Variants in GPC5 observed in about 807,000 individuals in gnomAD.
The protein encoded by GPC5 is glypican-5.
GPC5 carries 47 observed loss-of-function variants against 53.9 expected under a neutral mutation model. The observed-to-expected ratio is 0.87, with a 90% CI of 0.69 to 1.11. GPC5 has a LOEUF of 1.11. GPC5 is among the 50% of genes most tolerant of loss of function. The pLI, the probability that GPC5 is intolerant of heterozygous loss-of-function variation, is 0.00. For missense variants in GPC5, 748 were observed against 713.1 expected (o/e 1.05, Z -0.56); for synonymous variants, 286 against 263.3 (o/e 1.09, Z -0.84).
intron 2 of GPC5, among the ~76,000 whole-genome samples, chr13:91,685,910 G>A (rs1366185002): frequency 6.7e-6 from 1 of 149,298 alleles, no homozygotes; most frequent in Non-Finnish European, 1.5e-5. Flanking sequence ...GAAGAACCAT[G>A]TTTTTGTGTA....
At chr13:91,962,341 T>G (rs1251375132) in intron 6 of GPC5, among the ~76,000 whole-genome samples, 1 of 152,208 alleles carries the variant, frequency 6.6e-6, no homozygotes, top group Non-Finnish European at 1.5e-5. Flanking sequence ...TCTCAATATC[T>G]ATTCTCTTCT....
chr13:91,695,104 G>C (rs163929), intron 3 of GPC5, among the ~76,000 whole-genome samples: 35,877 of 152,070 alleles, frequency 0.24, 5,843 homozygotes, highest in African/African-American at 0.46. Flanking sequence ...CAGCACAGCA[G>C]CATAGGGTAA....
At chr13:92,638,563 C>T (rs1885487116) in intron 7 of GPC5, among the ~76,000 whole-genome samples, 1 of 130,166 alleles carries the variant, frequency 7.7e-6, no homozygotes, top group Non-Finnish European at 1.9e-5. Flanking sequence ...TTCTCTTATA[C>T]TCCTCTTTCT....
At chr13:92,453,189 CA>C (rs1269046811) in intron 7 of GPC5, among the ~76,000 whole-genome samples, 2 of 152,104 alleles carry the variant, frequency 1.3e-5, no homozygotes, top group Non-Finnish European at 2.9e-5. Flanking sequence ...CCTGAAAATG[CA>C]ATACAACTAT....
At chr13:92,372,172 C>T (rs2043656049) in intron 7 of GPC5, among the ~76,000 whole-genome samples, 1 of 152,142 alleles carries the variant, frequency 6.6e-6, no homozygotes, top group African/African-American at 2.4e-5. Flanking sequence ...CTAGCAGAGG[C>T]CTCTGTACTT....
At chr13:92,608,113 G>A (rs1053778880) in intron 7 of GPC5, among the ~76,000 whole-genome samples, 1 of 151,876 alleles carries the variant, frequency 6.6e-6, no homozygotes, top group African/African-American at 2.4e-5. Context: ...TGTGTTCATC[G>A]ACCATTTATG....
intron 7 of GPC5, among the ~76,000 whole-genome samples, chr13:92,747,390 A>C (rs574087191): frequency 2.0e-5 from 3 of 152,298 alleles, no homozygotes; most frequent in East Asian, 3.9e-4. Context: ...GAACAAATCC[A>C]TAACAGTTTA....
chr13:92,765,403 C>A (rs574341774), intron 7 of GPC5, among the ~76,000 whole-genome samples: 13 of 152,234 alleles, frequency 8.5e-5, no homozygotes, highest in African/African-American at 2.9e-4. Context: ...TTTCTTAATT[C>A]GTTGCAAGTT....
intron 2 of GPC5, among the ~76,000 whole-genome samples, chr13:91,590,401 C>T (rs577645177): frequency 6.6e-6 from 1 of 152,034 alleles, no homozygotes; most frequent in South Asian, 2.1e-4. Flanking sequence ...AGCAATCCAA[C>T]TGGAAAACAT....
intron 2 of GPC5, among the ~76,000 whole-genome samples, chr13:91,481,387 T>C (rs1238443779): frequency 6.6e-6 from 1 of 152,184 alleles, no homozygotes; most frequent in African/African-American, 2.4e-5. Context: ...ACTGCTCACA[T>C]TTTGGTACAT....
chr13:91,538,627 G>T (rs1366462569), intron 2 of GPC5, among the ~76,000 whole-genome samples: 3 of 140,296 alleles, frequency 2.1e-5, no homozygotes, highest in African/African-American at 7.9e-5. Flanking sequence ...CTGTCCCCCA[G>T]GCTGGAGTGC....
intron 4 of GPC5, among the ~76,000 whole-genome samples, chr13:91,729,089 C>T (rs1176012644): frequency 6.6e-6 from 1 of 152,122 alleles, no homozygotes; most frequent in Non-Finnish European, 1.5e-5. Context: ...AAAGATAATA[C>T]ATTTACATGA....
intron 2 of GPC5, among the ~76,000 whole-genome samples, chr13:91,590,181 C>A (rs1324080323): frequency 1.3e-5 from 2 of 151,392 alleles, no homozygotes; most frequent in African/African-American, 2.4e-5. Context: ...AGGAAAAATT[C>A]TTTATTTGAT....
intron 7 of GPC5, among the ~76,000 whole-genome samples, chr13:92,159,182 C>T (rs1199389826): frequency 3.3e-5 from 5 of 152,180 alleles, no homozygotes; most frequent in Non-Finnish European, 7.3e-5. Flanking sequence ...ATTACATTTC[C>T]CTGATTCTCC....
intron 6 of GPC5, among the ~76,000 whole-genome samples, chr13:92,095,202 A>G (rs2041412517): frequency 6.6e-6 from 1 of 152,218 alleles, no homozygotes; most frequent in African/African-American, 2.4e-5. Flanking sequence ...CAGAGCAGGA[A>G]AAATTGCTGA....
chr13:92,647,368 C>T (rs1161665069), intron 7 of GPC5, among the ~76,000 whole-genome samples: 1 of 152,092 alleles, frequency 6.6e-6, no homozygotes, highest in Non-Finnish European at 1.5e-5. Flanking sequence ...CCTCCAGGTG[C>T]TTCGATGTCA....
At chr13:91,461,252 T>G (rs1161719744) in intron 2 of GPC5, among the ~76,000 whole-genome samples, 1 of 152,180 alleles carries the variant, frequency 6.6e-6, no homozygotes, top group Non-Finnish European at 1.5e-5. Flanking sequence ...TTAACTTGAA[T>G]GTTAACTTAG....
At chr13:92,595,811 G>A (rs944872551) in intron 7 of GPC5, among the ~76,000 whole-genome samples, 2 of 150,800 alleles carry the variant, frequency 1.3e-5, no homozygotes, top group Non-Finnish European at 3.0e-5. Flanking sequence ...TTGTTTTATG[G>A]AGTAATCTTT....
intron 7 of GPC5, among the ~76,000 whole-genome samples, chr13:92,413,768 C>G (rs1876155605): frequency 6.6e-6 from 1 of 152,056 alleles, no homozygotes; most frequent in Admixed American, 6.5e-5. Context: ...GTACACATAC[C>G]AAGGACCACG....
Sources: gnomAD v4.1 joint callset for allele counts (sites outside exome capture counted in the v4.1 genomes callset) on GRCh38, gnomAD v4.1.1 for gene constraint, MANE v1.5 for transcripts, NCBI Gene and HGNC (gene_info 2026-07-23, HGNC 2026-07-21) for gene names.